The following NWD2 variants were observed in gnomAD, a reference collection of about 807,000 sequenced individuals.
The protein encoded by NWD2 is NACHT and WD repeat domain-containing protein 2.
Under a neutral mutation model 132.7 loss-of-function variants are expected in NWD2, and 37 were observed. The observed-to-expected ratio is 0.28, with a 90% CI of 0.21 to 0.37. The LOEUF (loss-of-function observed/expected upper bound fraction) is 0.37, where lower values mean the gene tolerates loss of function less well. Ranked by LOEUF, NWD2 falls within the 10% of genes least tolerant of loss-of-function variation. The pLI is 1.00. For synonymous variants in NWD2, 705 were observed against 803.0 expected, an observed-to-expected ratio of 0.88 and a Z score of 2.06; for missense variants, 1,592 against 2,122.4, an observed-to-expected ratio of 0.75 and a Z score of 4.91.
intron 2 of NWD2, among the ~76,000 whole-genome samples, chr4:37,341,658 A>AG (rs1293549188): frequency 1.3e-5 from 2 of 152,226 alleles, no homozygotes; most frequent in Admixed American, 1.3e-4. Context: ...AATAGCATTA[A>AG]GAGCCCAGGT....
intron 1 of NWD2, among the ~76,000 whole-genome samples, chr4:37,260,155 AAT>A (rs1261066181): frequency 2.0e-5 from 3 of 152,152 alleles, no homozygotes; most frequent in East Asian, 1.9e-4. Flanking sequence ...CTTGTTTTCC[AAT>A]AGTGTCATGT....
At chr4:37,388,679 TC>T (rs1475624466) in intron 3 of NWD2, among the ~76,000 whole-genome samples, 2 of 145,138 alleles carry the variant, frequency 1.4e-5, no homozygotes, top group Non-Finnish European at 3.0e-5. Context: ...TAAATATATA[TC>T]GTATATATCA....
At chr4:37,442,888 A>G (rs551638159) in intron 6 of NWD2, among the ~76,000 whole-genome samples, 3 of 152,134 alleles carry the variant, frequency 2.0e-5, no homozygotes, top group African/African-American at 7.2e-5. Context: ...TTAAACACTT[A>G]CAAAGGACCT....
intron 2 of NWD2, among the ~76,000 whole-genome samples, chr4:37,345,979 G>A (rs1012848422): frequency 1.3e-5 from 2 of 151,862 alleles, no homozygotes; most frequent in Non-Finnish European, 2.9e-5. Context: ...TACTCAGGAG[G>A]CTGAGGCAGG....
chr4:37,258,374 C>A (rs1357659845), intron 1 of NWD2, among the ~76,000 whole-genome samples: 1 of 152,198 alleles, frequency 6.6e-6, no homozygotes, highest in Non-Finnish European at 1.5e-5. Flanking sequence ...AGCATTTGTG[C>A]TCCTAGAGGT....
intron 3 of NWD2, among the ~76,000 whole-genome samples, chr4:37,367,523 A>G (rs1177452652): frequency 1.3e-5 from 2 of 152,198 alleles, no homozygotes; most frequent in East Asian, 1.9e-4. Context: ...TCATCAGAGT[A>G]TAACAGCTTT....
At chr4:37,245,549 CT>C (rs34994440) in intron 1 of NWD2, among the ~76,000 whole-genome samples, 48,131 of 145,318 alleles carry the variant, frequency 0.33, 8,023 homozygotes, top group Non-Finnish European at 0.38. Flanking sequence ...GTCCCCCGCC[CT>C]TTTTTTTTTT....
intron 1 of NWD2, among the ~76,000 whole-genome samples, chr4:37,296,023 T>G (rs1490178068): frequency 6.6e-6 from 1 of 152,208 alleles, no homozygotes; most frequent in Admixed American, 6.5e-5. Context: ...TCCCCTGACA[T>G]GCACACATTC....
intron 1 of NWD2, among the ~76,000 whole-genome samples, chr4:37,288,778 T>C (rs118061428): frequency 1.3e-5 from 2 of 152,296 alleles, no homozygotes; most frequent in South Asian, 2.1e-4. Flanking sequence ...TGGTAAACAA[T>C]AGATCTGAGT....
chr4:37,294,234 G>A (rs186839119), intron 1 of NWD2, among the ~76,000 whole-genome samples: 12 of 152,236 alleles, frequency 7.9e-5, no homozygotes, highest in Admixed American at 3.3e-4. Flanking sequence ...CGTACACATC[G>A]TTTGAGAATT....
At chr4:37,321,294 C>T (rs1379363193) in intron 1 of NWD2, among the ~76,000 whole-genome samples, 1 of 152,124 alleles carries the variant, frequency 6.6e-6, no homozygotes, top group African/African-American at 2.4e-5. Context: ...AATCTAAACC[C>T]TTGCTGAAGT....
At chr4:37,298,511 T>C (rs1718545031) in intron 1 of NWD2, among the ~76,000 whole-genome samples, 1 of 152,172 alleles carries the variant, frequency 6.6e-6, no homozygotes, top group African/African-American at 2.4e-5. Flanking sequence ...AATTTTTCCT[T>C]TGTAATTAAT....
At chr4:37,427,440 C>A (rs1044837144) in intron 3 of NWD2, among the ~76,000 whole-genome samples, 1 of 152,124 alleles carries the variant, frequency 6.6e-6, no homozygotes, top group Non-Finnish European at 1.5e-5. Context: ...AAGAGGGAAC[C>A]ATTAGAAGTT....
intron 1 of NWD2, among the ~76,000 whole-genome samples, chr4:37,316,078 A>G (rs1560392873): frequency 6.6e-6 from 1 of 152,020 alleles, no homozygotes; most frequent in Non-Finnish European, 1.5e-5. Context: ...TCTTTTATAC[A>G]TACTTACATA....
intron 1 of NWD2, among the ~76,000 whole-genome samples, chr4:37,270,381 C>T (rs559339434): frequency 3.3e-5 from 5 of 151,874 alleles, no homozygotes; most frequent in East Asian, 3.9e-4. Flanking sequence ...AGGCTATTCT[C>T]TATTCGAAAA....
intron 2 of NWD2, among the ~76,000 whole-genome samples, chr4:37,330,266 T>C (rs1719264640): frequency 6.6e-6 from 1 of 152,046 alleles, no homozygotes; most frequent in South Asian, 2.1e-4. Context: ...TACTCAGAGA[T>C]GGAAACAGTT....
intron 1 of NWD2, among the ~76,000 whole-genome samples, chr4:37,245,523 G>A (rs1375769883): frequency 1.3e-5 from 2 of 149,472 alleles, no homozygotes; most frequent in South Asian, 2.1e-4. Context: ...TGCCGCCGCC[G>A]CCACCACCAC....
In NWD2 at chr4:37,333,562, A is replaced by G. The variant is rs144965063; in HGVS notation, c.240+7538A>G. Among the ~76,000 whole-genome samples, 1,238 of 152,324 alleles carry G rather than the reference A, an allele frequency of 8.1e-3. 14 individuals carry two copies. The highest frequency in any genetic ancestry group is 0.028 in the African/African-American group (1,184 of 41,566). On this transcript the variant is annotated intron_variant, in intron 2 of 6. Transcript: ENST00000309447. ...GCTACAGTGACCAAAAACCTAGATC[A>G]CAAACCCAAGTCCCTTTGAATACCT...
At chr4:37,350,271 G>C (rs952617133) in intron 2 of NWD2, among the ~76,000 whole-genome samples, 4 of 152,160 alleles carry the variant, frequency 2.6e-5, no homozygotes, top group Admixed American at 1.3e-4. Context: ...AAATTACTTT[G>C]GACAGTATGG....
Sources: gnomAD v4.1 joint callset for allele counts (sites outside exome capture counted in the v4.1 genomes callset) on GRCh38, gnomAD v4.1.1 for gene constraint, MANE v1.5 for transcripts, NCBI Gene and HGNC (gene_info 2026-07-23, HGNC 2026-07-21) for gene names.